CDK16: variants seen among roughly 807,000 people sequenced by gnomAD.
CDK16 encodes cyclin dependent kinase 16.
CDK16 carries 2 observed loss-of-function variants against 41.6 expected under a neutral mutation model. The ratio of observed to expected loss-of-function variants is 0.05; its 90% CI spans 0.02 to 0.15. The LOEUF is 0.15. CDK16 is among the 10% of genes least tolerant of loss of function. The pLI is 1.00. For missense variants in CDK16, 228 were observed against 428.9 expected, an observed-to-expected ratio of 0.53 and a Z score of 4.14; for synonymous variants, 169 against 169.7, an observed-to-expected ratio of 1.00 and a Z score of 0.03.
At chrX:47,221,568 C>T (rs1937337399) in intron 1 of CDK16, among the ~76,000 whole-genome samples, 1 of 111,397 alleles carries the variant, frequency 9.0e-6, no homozygotes, top group South Asian at 3.7e-4. Flanking sequence ...CCATTCAGCC[C>T]TACTTCCAGT....
At chrX:47,227,250 G>C in intron 13 of CDK16, 27 bp downstream of exon 13, 2 of 1,184,038 alleles carry the variant, frequency 1.7e-6, no homozygotes, top group Non-Finnish European at 2.3e-6. Context: ...TCAGCCTTGG[G>C]GGTATGGGAT....
rs763721593 is a variant in CDK16, at chrX:47,228,904, C to A, written c.*136C>A. On this transcript the variant is annotated 3_prime_UTR_variant, in exon 16 of 16. Coordinates refer to ENST00000357227, the MANE Select transcript of CDK16 (RefSeq NM_006201.5). ...TGTTCACCTGCCCACTTGTCCCCTGCTGCCTGCCCAAACACCCCACCATTG... is the reference window on the plus strand; with the variant it reads ...TGTTCACCTGCCCACTTGTCCCCTGATGCCTGCCCAAACACCCCACCATTG... 2.0e-5 allele frequency: 13 copies of A among 658,629 alleles called. No individual in the cohort carries two copies. Among genetic ancestry groups the A allele is most frequent in the Non-Finnish European group, 3.1e-5 (13 of 418,535 alleles). 54.3% of individuals were successfully genotyped at this position (658,629 alleles called of 1,213,427 possible). A position where few individuals can be genotyped will look rare whatever the true frequency, so the allele number is the denominator to read the frequency against.
rs370749950 is a variant in CDK16, at chrX:47,227,134, G to T, written c.1241+35G>T. 8 of 1,207,581 alleles carry T rather than the reference G, an allele frequency of 6.6e-6. No homozygotes were observed. The African/African-American group carries it at 1.2e-4, about 19-fold the overall frequency. On this transcript the variant is annotated intron_variant, in intron 12 of 15. Transcript: ENST00000357227. ...GTGGGTGGGTGGGCGTTAGGGGCCA[G>T]AGTGTCCAAACTCATTTTAAATCAG...
rs770305098 is a variant in CDK16, at chrX:47,223,637, C to G, written c.80C>G (p.Ala27Gly). 9 of 1,209,383 alleles carry G rather than the reference C, an allele frequency of 7.4e-6. No individual in the cohort carries two copies. Among genetic ancestry groups the G allele is most frequent in the Non-Finnish European group, 7.8e-6 (7 of 894,717 alleles). ...GGRGIDKTNG[A>G]PEQIGLDESG... The stretch of plus-strand genomic sequence containing the variant: ...CGAGGCATAGACAAGACCAATGGTG[C>G]CCCTGAGCAGATAGGCCTGGATGAG... The change falls in exon 2 of 16, where the codon GCC (alanine) becomes GGC (glycine). Residue 27 changes from alanine to glycine, a missense_variant. Physicochemically the swap from Ala to Gly is moderately conservative, Grantham distance 60 (BLOSUM62 0). Transcript: ENST00000357227.
At chrX:47,228,419 G>A (rs922052362) in intron 14 of CDK16, 148 bp from the exon 15 acceptor site, 5 of 450,152 alleles carry the variant, frequency 1.1e-5, no homozygotes, top group Admixed American at 7.8e-5. Context: ...GGTTGTAGCT[G>A]GTTTGTGTAT....
intron 1 of CDK16, among the ~76,000 whole-genome samples, chrX:47,219,535 G>T: frequency 9.1e-6 from 1 of 110,249 alleles, no homozygotes; most frequent in Non-Finnish European, 1.9e-5. Context: ...GGGGGGTAGG[G>T]TGTCGAGGAA....
chrX:47,224,909 G>T lies in CDK16; in HGVS notation c.519+19G>T, dbSNP rs1264839955. 2 of 1,208,038 alleles carry T rather than the reference G, an allele frequency of 1.7e-6. No homozygotes were observed. The highest frequency in any genetic ancestry group is 1.8e-5 in the South Asian group (1 of 56,857). On this transcript the variant is annotated intron_variant, in intron 5 of 15. Coordinates refer to ENST00000357227, the MANE Select transcript of CDK16 (RefSeq NM_006201.5). ...GGGCGAGGTGAGAGGCAAATAGGAG[G>T]CCCATGGTGGGGATGAAGGTCAGTG...
At position 47,226,982 on chromosome X, in the gene CDK16, C is replaced by A; in HGVS notation, c.1136-12C>A. On this transcript the variant is annotated splice_polypyrimidine_tract_variant and intron_variant, in intron 11 of 15. Transcript: ENST00000357227. Reference sequence around the variant, plus strand: ...CTGTGAAATGTTTGGGATAACTCCTCTTCCCTACTAGGAACCCCAACTGAG... The same window carrying A: ...CTGTGAAATGTTTGGGATAACTCCTATTCCCTACTAGGAACCCCAACTGAG... 8.3e-7 allele frequency: 1 copy of A among 1,209,575 alleles called. No homozygotes were observed. The highest frequency in any genetic ancestry group is 1.1e-6 in the Non-Finnish European group (1 of 893,491).
chrX:47,229,512 A>G lies in CDK16; in HGVS notation c.*744A>G, dbSNP rs931883138. ...ACTCGCCTTCCTACCCCCGCCCGCC[A>G]TCCCCAGTTGCAGGGGGATCTGGGG... On this transcript the variant is annotated 3_prime_UTR_variant, in exon 16 of 16. Transcript: ENST00000357227. 25 of 260,389 alleles carry G rather than the reference A, an allele frequency of 9.6e-5. No homozygotes were observed. The highest frequency in any genetic ancestry group is 6.9e-4 in the African/African-American group (24 of 34,675). 21.5% of individuals were successfully genotyped at this position (260,389 alleles called of 1,213,427 possible).
chrX:47,222,970 C>CAGG, intron 1 of CDK16: 3 of 875,930 alleles, frequency 3.4e-6, no homozygotes, highest in Non-Finnish European at 4.4e-6. Flanking sequence ...CCCCCCCCAC[C>CAGG]TGGGTAGATG....
rs782395578 is a variant in CDK16 at position 47,219,241 on chromosome X, G to T, written c.-7+136G>T. The T allele has an allele frequency of 6.1e-4, 374 of 614,379 alleles. 3 individuals carry two copies. In the South Asian group the frequency reaches 0.025, roughly 41 times the overall value. The allele number at this position is 614,379 out of a possible 1,213,427, so 50.6% of individuals were successfully genotyped here. On this transcript the variant is annotated intron_variant, in intron 1 of 15. Transcript: ENST00000357227. ...ATTTCCCAGAATGCACCGGGGCGGG[G>T]GGTCATTTGGGGCCTCCCTGACCTT...
Position 47,218,744 on chromosome X carries a change from C to T in CDK16, c.-368C>T, listed in dbSNP as rs782505433. On this transcript the variant is annotated 5_prime_UTR_variant, in exon 1 of 16. Coordinates refer to ENST00000357227, the MANE Select transcript of CDK16 (RefSeq NM_006201.5). ...GAGCGCGGCGCGCGCGGCGGTTGGG[C>T]CGTTGGCTGTTCGGCCCTGGGATCC... 4.3e-6 allele frequency: 5 copies of T among 1,160,798 alleles called. No individual in the cohort carries two copies. The highest frequency in any genetic ancestry group is 5.7e-6 in the Non-Finnish European group (5 of 870,982).
intron 14 of CDK16, chrX:47,228,305 C>T (rs1456545138): frequency 7.3e-5 from 24 of 328,061 alleles, no homozygotes; most frequent in Non-Finnish European, 1.3e-4. Flanking sequence ...AAACACCACC[C>T]ATCACCTAGA....
At position 47,228,555 on chromosome X, in the gene CDK16, C is replaced by G. The variant is rs1008787923; in HGVS notation, c.1376-12C>G. The G allele has an allele frequency of 1.0e-5, 12 of 1,200,863 alleles. No homozygotes were observed. Among genetic ancestry groups the G allele is most frequent in the Non-Finnish European group, 1.4e-5 (12 of 886,903 alleles). ...GGGTCATCCCCCACTTCTATGTCTC[C>G]CCCATCTGTAGCTACTTCCATATTT... On this transcript the variant is annotated splice_polypyrimidine_tract_variant and intron_variant, in intron 14 of 15. Transcript: ENST00000357227.
At chrX:47,221,320 C>G (rs888700613) in intron 1 of CDK16, among the ~76,000 whole-genome samples, 5 of 111,691 alleles carry the variant, frequency 4.5e-5, no homozygotes, top group Admixed American at 1.9e-4. Flanking sequence ...ATCTAAAAAG[C>G]TCATTCAACT....
chrX:47,222,994 A>T, intron 1 of CDK16: 1 of 824,805 alleles, frequency 1.2e-6, no homozygotes, highest in Non-Finnish European at 1.6e-6. Flanking sequence ...GGGATGATGC[A>T]GTGGTTGTCA....
Position 47,226,579 on chromosome X carries a change from C to A in CDK16, c.917-4C>A. 1 of 1,209,103 alleles carries A rather than the reference C, an allele frequency of 8.3e-7. No homozygotes were observed. Among genetic ancestry groups the A allele is most frequent in the Non-Finnish European group, 1.1e-6 (1 of 893,937 alleles). The stretch of plus-strand genomic sequence containing the variant: ...ATTCTAGCTGTCCTTTCTCTGATTT[C>A]CAGGCCTGGCCCGAGCCAAGTCAAT... On this transcript the variant is annotated splice_region_variant and splice_polypyrimidine_tract_variant and intron_variant, in intron 9 of 15. Coordinates refer to ENST00000357227, the MANE Select transcript of CDK16 (RefSeq NM_006201.5).
intron 14 of CDK16, 33 bp downstream of exon 14, chrX:47,227,502 TG>T: frequency 2.8e-6 from 3 of 1,088,082 alleles, no homozygotes; most frequent in Non-Finnish European, 3.8e-6. Flanking sequence ...CCGGCCAGCG[TG>T]GGGACTGGGA....
chrX:47,218,557 C>T, upstream of CDK16: 2 of 1,120,246 alleles, frequency 1.8e-6, no homozygotes, highest in Non-Finnish European at 2.4e-6. Flanking sequence ...ACAGCCTCCA[C>T]AGTTCTCCCT....
Sources: gnomAD v4.1 joint callset for allele counts (sites outside exome capture counted in the v4.1 genomes callset) on GRCh38, gnomAD v4.1.1 for gene constraint, MANE v1.5 for transcripts, NCBI Gene and HGNC (gene_info 2026-07-23, HGNC 2026-07-21) for gene names.